The following SRP9 variants were observed in gnomAD, a reference collection of about 807,000 sequenced individuals.
SRP9 encodes signal recognition particle 9.
A neutral mutation model predicts 11.7 loss-of-function variants in SRP9; 2 were observed. The ratio of observed to expected loss-of-function variants is 0.17; its 90% CI spans 0.07 to 0.54. The LOEUF (loss-of-function observed/expected upper bound fraction) is 0.54. Ranked by LOEUF, SRP9 falls within the 20% of genes least tolerant of loss-of-function variation. The pLI, the probability that SRP9 is intolerant of heterozygous loss-of-function variation, is 0.94. For missense variants in SRP9, 54 were observed against 108.1 expected, an observed-to-expected ratio of 0.50 and a Z score of 2.22; for synonymous variants, 27 against 35.6, an observed-to-expected ratio of 0.76 and a Z score of 0.86.
chr1:225,790,426 G>C lies in SRP9; in HGVS notation c.*1067G>C, dbSNP rs2102654329. 1 of 152,318 alleles carries C rather than the reference G, an allele frequency of 6.6e-6. No homozygotes were observed. Among genetic ancestry groups the C allele is most frequent in the African/African-American group, 2.4e-5 (1 of 41,572 alleles). 9.4% of individuals were successfully genotyped at this position (152,318 alleles called of 1,614,324 possible). A position where few individuals can be genotyped will look rare whatever the true frequency, so the allele number is the denominator to read the frequency against. On this transcript the variant is annotated 3_prime_UTR_variant, in exon 3 of 3. Coordinates refer to ENST00000304786, the MANE Select transcript of SRP9 (RefSeq NM_003133.6). ...CCCTTAGCTATATGAATTTTGGCAT[G>C]TTTCAGAGAGATCAGTAAATAAAAT...
chr1:225,778,713 C>T (rs1665734697), intron 1 of SRP9, among the ~76,000 whole-genome samples: 2 of 152,284 alleles, frequency 1.3e-5, no homozygotes, highest in South Asian at 4.1e-4. Context: ...GGGAGTTTAG[C>T]ATTCGGGTCT....
chr1:225,784,990 G>C (rs1175346480), intron 2 of SRP9, among the ~76,000 whole-genome samples: 7 of 152,050 alleles, frequency 4.6e-5, no homozygotes. Flanking sequence ...TGCCCAGGCT[G>C]GTCTTGAACT....
At chr1:225,783,608 G>A (rs1665840156) in intron 2 of SRP9, among the ~76,000 whole-genome samples, 1 of 152,162 alleles carries the variant, frequency 6.6e-6, no homozygotes, top group South Asian at 2.1e-4. Context: ...CAGACCTTAA[G>A]CAACAGAAAT....
intron 1 of SRP9, among the ~76,000 whole-genome samples, chr1:225,781,932 G>GT (rs1328388819): frequency 2.6e-5 from 4 of 151,908 alleles, no homozygotes; most frequent in African/African-American, 9.7e-5. Flanking sequence ...TGCTTGATGA[G>GT]TTCCCTTTCC....
intron 2 of SRP9, chr1:225,787,032 C>T (rs73125801): frequency 1.4e-4 from 46 of 329,724 alleles, no homozygotes; most frequent in African/African-American, 9.8e-4. Flanking sequence ...TTTGTCAAGA[C>T]AGGGTCTCAT....
chr1:225,783,158 G>A (rs1042465945), intron 1 of SRP9, 142 bp from the exon 2 acceptor site: 2 of 546,860 alleles, frequency 3.7e-6, no homozygotes, highest in Non-Finnish European at 3.2e-6. Flanking sequence ...ACTTCATTTC[G>A]GTTTAGTTTA....
intron 2 of SRP9, among the ~76,000 whole-genome samples, chr1:225,788,396 T>C (rs1665958486): frequency 6.7e-6 from 1 of 149,410 alleles, no homozygotes; most frequent in African/African-American, 2.5e-5. Flanking sequence ...CAAAAATACA[T>C]ACCTTCAGCA....
chr1:225,782,955 A>G (rs1665828567), intron 1 of SRP9, among the ~76,000 whole-genome samples: 1 of 152,180 alleles, frequency 6.6e-6, no homozygotes, highest in African/African-American at 2.4e-5. Context: ...CTCTGTGGCT[A>G]GGTGTGTTGG....
chr1:225,783,982 C>G (rs1257538169), intron 2 of SRP9, among the ~76,000 whole-genome samples: 1 of 151,772 alleles, frequency 6.6e-6, no homozygotes, highest in Non-Finnish European at 1.5e-5. Context: ...TCTGTTGTTT[C>G]ATTCTTCTTT....
chr1:225,789,434 A>T lies in SRP9; in HGVS notation c.*75A>T, dbSNP rs980710832. 1.4e-5 allele frequency: 21 copies of T among 1,453,042 alleles called. No individual in the cohort carries two copies. The highest frequency in any genetic ancestry group is 2.3e-5 in the Admixed American group (1 of 43,562). The allele number at this position is 1,453,042 out of a possible 1,614,324, so 90.0% of individuals were successfully genotyped here. Reference sequence around the variant, plus strand: ...TGAATTAGAGAAAGTGTTGGGACAGAAAGTACTTTATGTAACTAAGTGGGC... The same window carrying T: ...TGAATTAGAGAAAGTGTTGGGACAGTAAGTACTTTATGTAACTAAGTGGGC... On this transcript the variant is annotated 3_prime_UTR_variant, in exon 3 of 3. Coordinates refer to ENST00000304786, the MANE Select transcript of SRP9 (RefSeq NM_003133.6).
At chr1:225,787,498 C>T (rs1665942409) in intron 2 of SRP9, among the ~76,000 whole-genome samples, 1 of 152,058 alleles carries the variant, frequency 6.6e-6, no homozygotes, top group African/African-American at 2.4e-5. Flanking sequence ...TGTGCCACTG[C>T]ACTCTAGCCT....
chr1:225,778,911 A>G (rs1442494868), intron 1 of SRP9, among the ~76,000 whole-genome samples: 1 of 152,232 alleles, frequency 6.6e-6, no homozygotes, highest in Non-Finnish European at 1.5e-5. Flanking sequence ...TAACTCAGTT[A>G]TCTCTTTTAT....
intron 1 of SRP9, among the ~76,000 whole-genome samples, chr1:225,780,210 CG>C (rs1393071277): frequency 1.0e-4 from 14 of 133,472 alleles, no homozygotes; most frequent in African/African-American, 3.9e-4. Context: ...TTTTTAAAGA[CG>C]GGGCTCTTGC....
At position 225,790,113 on chromosome 1, in the gene SRP9, C is replaced by G. The variant is rs2102654073; in HGVS notation, c.*754C>G. On this transcript the variant is annotated 3_prime_UTR_variant, in exon 3 of 3. Transcript: ENST00000304786. ...TACAGAAATATTTACTACATATTTT[C>G]CATCTGTAGTTTCTCAGAAGGGCTA... is the stretch of plus-strand genomic sequence containing the variant. 6.6e-6 allele frequency: 1 copy of G among 152,240 alleles called. No homozygotes were observed. The highest frequency in any genetic ancestry group is 2.4e-5 in the African/African-American group (1 of 41,538). The allele number at this position is 152,240 out of a possible 1,614,324, so 9.4% of individuals were successfully genotyped here. A position where few individuals can be genotyped will look rare whatever the true frequency, so the allele number is the denominator to read the frequency against.
chr1:225,789,636 T>A lies in SRP9; in HGVS notation c.*277T>A, dbSNP rs1437678476. ...GTTAGGTAAAACATGTAATTGTTTC[T>A]CTGGCAAATTTGTATCAGTAATTTG... On this transcript the variant is annotated 3_prime_UTR_variant, in exon 3 of 3. Coordinates refer to ENST00000304786, the MANE Select transcript of SRP9 (RefSeq NM_003133.6). 1.8e-5 allele frequency: 4 copies of A among 224,930 alleles called. No individual in the cohort carries two copies. The highest frequency in any genetic ancestry group is 2.6e-5 in the Non-Finnish European group (3 of 114,874). The allele number at this position is 224,930 out of a possible 1,614,324, so 13.9% of individuals were successfully genotyped here.
At chr1:225,780,139 G>T (rs906974948) in intron 1 of SRP9, among the ~76,000 whole-genome samples, 4 of 149,940 alleles carry the variant, frequency 2.7e-5, no homozygotes, top group Non-Finnish European at 5.9e-5. Context: ...TCAGCCTCCT[G>T]AGTAGCTGAG....
At position 225,789,831 on chromosome 1, in the gene SRP9, G is replaced by A. The variant is rs182555497; in HGVS notation, c.*472G>A. 1 of 162,324 alleles carries A rather than the reference G, an allele frequency of 6.2e-6. No individual in the cohort carries two copies. The highest frequency in any genetic ancestry group is 1.8e-4 in the East Asian group (1 of 5,590). The allele number at this position is 162,324 out of a possible 1,614,324, so 10.1% of individuals were successfully genotyped here. ...TAATTGGAATTAACTCCACACCATA[G>A]TATGCATTGTTATACATACTGTGTA... On this transcript the variant is annotated 3_prime_UTR_variant, in exon 3 of 3. Transcript: ENST00000304786.
intron 2 of SRP9, among the ~76,000 whole-genome samples, chr1:225,785,190 C>G (rs1665883000): frequency 1.3e-5 from 2 of 151,696 alleles, no homozygotes; most frequent in South Asian, 4.2e-4. Context: ...CCTGCCTCAG[C>G]CTCCTGAGTA....
intron 2 of SRP9, among the ~76,000 whole-genome samples, chr1:225,788,565 G>A (rs1351122430): frequency 6.6e-5 from 10 of 152,038 alleles, no homozygotes; most frequent in South Asian, 2.1e-4. Context: ...ACAGGCACAC[G>A]CCACCACGCC....
Sources: allele counts gnomAD v4.1 joint callset (sites outside exome capture counted in the v4.1 genomes callset), GRCh38; gene constraint gnomAD v4.1.1; transcripts MANE v1.5; gene names NCBI Gene and HGNC (gene_info 2026-07-23, HGNC 2026-07-21).